The following FBRSL1 variants were observed in gnomAD, a reference collection of about 807,000 sequenced individuals.
The protein encoded by FBRSL1 is fibrosin-1-like protein.
Under a neutral mutation model 89.6 loss-of-function variants are expected in FBRSL1, and 51 were observed. That is an observed-to-expected ratio of 0.57 (90% confidence interval 0.45 to 0.72). The LOEUF (loss-of-function observed/expected upper bound fraction) is 0.72. Among genes scored for constraint, FBRSL1 ranks in the 30% least tolerant of loss-of-function variants. The pLI is 0.00. For synonymous variants in FBRSL1, 779 were observed against 681.1 expected (o/e 1.14, Z -2.24); for missense variants, 1,618 against 1,451.8 (o/e 1.11, Z -1.86).
chr12:132,508,311 C>T lies in FBRSL1; in HGVS notation c.450C>T (p.Cys150=), dbSNP rs943190122. ...GSPGQDLEPA[C]DGARKVPLQP... ...CCGGGCAGGACCTCGAACCCGCCTG[C>T]GATGGGGCGAGAAAGGTCCCACTGC... The change falls in exon 2 of 19, where the codon TGC becomes TGT. Residue 150 remains cysteine, a synonymous_variant. Coordinates refer to ENST00000680143, the MANE Select transcript of FBRSL1 (RefSeq NM_001367871.1). The T allele has an allele frequency of 5.5e-5, 85 of 1,546,738 alleles. No individual in the cohort carries two copies. The highest frequency in any genetic ancestry group is 1.8e-4 in the Admixed American group (9 of 50,614).
rs1395854896 is a variant in FBRSL1, at chr12:132,490,766, C to A, written c.196C>A (p.Pro66Thr). The A allele has an allele frequency of 2.6e-6, 3 of 1,155,120 alleles. No individual in the cohort carries two copies. The highest frequency in any genetic ancestry group is 3.2e-6 in the Non-Finnish European group (3 of 942,194). The allele number at this position is 1,155,120 out of a possible 1,614,324, so 71.6% of individuals were successfully genotyped here. ...GAAPAPRTAR[P>T]PRRRRRESSS... ...CGCCCCCGCGCCCCGCACCGCGCGT[C>A]CCCCGCGCCGCCGCCGCCGCGAGTC... is the stretch of plus-strand genomic sequence containing the variant. Residue 66 changes from proline to threonine, a missense_variant, in exon 1 of 19, where the codon CCC becomes ACC. Pro to Thr is a conservative substitution (Grantham distance 38). Coordinates refer to ENST00000680143, the MANE Select transcript of FBRSL1 (RefSeq NM_001367871.1).
intron 5 of FBRSL1, among the ~76,000 whole-genome samples, chr12:132,548,618 C>T (rs557461269): frequency 6.6e-6 from 1 of 152,238 alleles, no homozygotes; most frequent in Non-Finnish European, 1.5e-5. Context: ...CTCCTTCTGC[C>T]CCGCTTGCCC....
intron 1 of FBRSL1, among the ~76,000 whole-genome samples, chr12:132,498,492 A>G (rs1472006616): frequency 6.6e-6 from 1 of 151,816 alleles, no homozygotes; most frequent in East Asian, 1.9e-4. Context: ...CATCCTACAG[A>G]CCCTCCAGGG....
intron 14 of FBRSL1, among the ~76,000 whole-genome samples, chr12:132,575,020 T>G (rs533271863): frequency 1.3e-5 from 2 of 152,000 alleles, no homozygotes; most frequent in Admixed American, 1.3e-4. Context: ...CGCGGGCAGC[T>G]CGGTGCAGGT....
chr12:132,578,458 G>C (rs929753754), intron 15 of FBRSL1, among the ~76,000 whole-genome samples: 11 of 152,108 alleles, frequency 7.2e-5, no homozygotes, highest in Non-Finnish European at 1.5e-5. Flanking sequence ...AGTGGGCTGA[G>C]GAGGAGGAGG....
intron 5 of FBRSL1, among the ~76,000 whole-genome samples, chr12:132,561,882 C>G (rs1366815906): frequency 6.6e-6 from 1 of 152,180 alleles, no homozygotes; most frequent in African/African-American, 2.4e-5. Flanking sequence ...AGCACTGGAT[C>G]CCCATCCTTG....
chr12:132,556,815 AC>A (rs1207793904), intron 5 of FBRSL1, among the ~76,000 whole-genome samples: 2 of 97,044 alleles, frequency 2.1e-5, no homozygotes, highest in Non-Finnish European at 3.7e-5. Context: ...CCCTCCACCC[AC>A]CCCTGTCCTG....
At chr12:132,574,680 T>A in intron 14 of FBRSL1, 116 bp downstream of exon 14, 3 of 1,299,986 alleles carry the variant, frequency 2.3e-6, no homozygotes, top group Non-Finnish European at 3.1e-6. Flanking sequence ...GGTGTGATCC[T>A]CACGCGTGAG....
chr12:132,556,381 C>T (rs916373264), intron 5 of FBRSL1, among the ~76,000 whole-genome samples: 3 of 152,318 alleles, frequency 2.0e-5, no homozygotes, highest in East Asian at 1.9e-4. Context: ...CCTACACAGG[C>T]CGGGCAACAG....
Position 132,574,570 on chromosome 12 carries a change from A to G in FBRSL1, c.1701+6A>G. The G allele has an allele frequency of 1.3e-6, 2 of 1,548,892 alleles. No homozygotes were observed. The highest frequency in any genetic ancestry group is 1.7e-6 in the Non-Finnish European group (2 of 1,146,540). ...GTCACCAGCAGAAGATAAAGGTGAG[A>G]CCACCTGGGCTGGGGCAGGGCGCTT... On this transcript the variant is annotated splice_donor_region_variant and intron_variant, in intron 14 of 18. Transcript: ENST00000680143.
At chr12:132,553,665 C>CA (rs987581254) in intron 5 of FBRSL1, 2 of 152,236 alleles carry the variant, frequency 1.3e-5, no homozygotes, top group African/African-American at 4.8e-5. Flanking sequence ...ATCAAAGGCC[C>CA]AATAGCCAGT....
At chr12:132,541,954 A>G (rs1165770576) in intron 4 of FBRSL1, among the ~76,000 whole-genome samples, 2 of 152,154 alleles carry the variant, frequency 1.3e-5, no homozygotes, top group African/African-American at 4.8e-5. Context: ...AGGTTCAGAC[A>G]GAATAGGTGA....
chr12:132,578,618 A>AG (rs2040541141), intron 15 of FBRSL1, among the ~76,000 whole-genome samples: 1 of 152,150 alleles, frequency 6.6e-6, no homozygotes, highest in African/African-American at 2.4e-5. Context: ...GCACAGGCAC[A>AG]CACATGGGCA....
Position 132,575,090 on chromosome 12 carries a change from C to T in FBRSL1, c.1701+526C>T, listed in dbSNP as rs1202392110. Among the ~76,000 whole-genome samples the T allele has an allele frequency of 2.0e-5, 3 of 152,112 alleles. No individual in the cohort carries two copies. The East Asian group carries it at 5.8e-4, about 29-fold the overall frequency. ...GTCCTGGGAGGCCAGGACAGGGGGA[C>T]TGTTGCCTCAGCCCCGTGGGACCCT... On this transcript the variant is annotated intron_variant, in intron 14 of 18. Coordinates refer to ENST00000680143, the MANE Select transcript of FBRSL1 (RefSeq NM_001367871.1).
intron 5 of FBRSL1, among the ~76,000 whole-genome samples, chr12:132,549,357 C>A (rs955816615): frequency 2.6e-5 from 4 of 152,164 alleles, no homozygotes; most frequent in Admixed American, 2.6e-4. Flanking sequence ...AGTGGCCTCA[C>A]CCGGGACCCC....
At chr12:132,525,342 C>CCTAGCACCCCCAGGA (rs1199596932) in intron 2 of FBRSL1, among the ~76,000 whole-genome samples, 30 of 152,332 alleles carry the variant, frequency 2.0e-4, no homozygotes, top group Non-Finnish European at 3.1e-4. Flanking sequence ...GGTGGAGGCC[C>CCTAGCACCCCCAGGA]TGCCTGTGGT....
intron 2 of FBRSL1, among the ~76,000 whole-genome samples, chr12:132,517,506 C>T (rs2034951316): frequency 6.6e-6 from 1 of 152,252 alleles, no homozygotes; most frequent in South Asian, 2.1e-4. Flanking sequence ...ACAAACAAGA[C>T]AAGTGACCGT....
At chr12:132,508,442 G>C in intron 2 of FBRSL1, 92 bp downstream of exon 2, 3 of 1,306,314 alleles carry the variant, frequency 2.3e-6, no homozygotes, top group Non-Finnish European at 3.0e-6. Context: ...ACGCCACGTG[G>C]CCCCCGGGCC....
chr12:132,545,466 T>C (rs909597934), intron 4 of FBRSL1, among the ~76,000 whole-genome samples: 8 of 152,238 alleles, frequency 5.3e-5, no homozygotes, highest in African/African-American at 1.7e-4. Context: ...GCCGTGCTAT[T>C]TGGTTAATGA....
Sources: gnomAD v4.1 joint callset for allele counts (sites outside exome capture counted in the v4.1 genomes callset) on GRCh38, gnomAD v4.1.1 for gene constraint, MANE v1.5 for transcripts, NCBI Gene and HGNC (gene_info 2026-07-23, HGNC 2026-07-21) for gene names.